The following CEP97 variants were observed in gnomAD, a reference collection of about 807,000 sequenced individuals.
The protein encoded by CEP97 is centrosomal protein 97.
Under a neutral mutation model 73.1 loss-of-function variants are expected in CEP97, and 43 were observed. That is an observed-to-expected ratio of 0.59 (90% confidence interval 0.46 to 0.76). The LOEUF is 0.76. CEP97 is among the 30% of genes least tolerant of loss of function. CEP97 has a pLI of 0.00. For missense variants in CEP97, 939 were observed against 1,014.0 expected, an observed-to-expected ratio of 0.93 and a Z score of 1.00; for synonymous variants, 337 against 370.0, an observed-to-expected ratio of 0.91 and a Z score of 1.02.
intron 6 of CEP97, among the ~76,000 whole-genome samples, chr3:101,738,742 A>G (rs1274768532): frequency 1.3e-5 from 2 of 152,216 alleles, no homozygotes; most frequent in Admixed American, 1.3e-4. Context: ...GGAAAGATCT[A>G]AAATTAACAC....
intron 6 of CEP97, among the ~76,000 whole-genome samples, chr3:101,751,365 G>A (rs920722340): frequency 9.9e-5 from 15 of 152,228 alleles, no homozygotes; most frequent in African/African-American, 3.6e-4. Context: ...GGTGTGGTGT[G>A]GTGCTGAAAA....
At chr3:101,735,137 T>C (rs1364640764) in intron 6 of CEP97, among the ~76,000 whole-genome samples, 1 of 152,224 alleles carries the variant, frequency 6.6e-6, no homozygotes, top group Non-Finnish European at 1.5e-5. Context: ...TTGAAGAGTT[T>C]GTTGAAACTA....
Position 101,731,903 on chromosome 3 carries a change from A to G in CEP97, c.511A>G (p.Ser171Gly), listed in dbSNP as rs1448470191. ...AATGGCACCTGCTTACCTACCCAGA[A>G]GTCTTGCTATACTTTCTTTGGCAGA... ...LRMAPAYLPRSLAILSLAENE... is the reference protein window; with the variant it reads ...LRMAPAYLPRGLAILSLAENE... The change falls in exon 5 of 11, where the codon AGT (serine) becomes GGT (glycine). Residue 171 changes from serine to glycine, a missense_variant. By Grantham distance (56) the Ser-to-Gly change is moderately conservative. Coordinates refer to ENST00000341893, the MANE Select transcript of CEP97 (RefSeq NM_024548.4). 1.2e-6 allele frequency: 2 copies of G among 1,611,998 alleles called. No individual in the cohort carries two copies. The highest frequency in any genetic ancestry group is 1.3e-5 in the African/African-American group (1 of 74,856).
chr3:101,760,798 C>T (rs1227319368), intron 9 of CEP97, among the ~76,000 whole-genome samples: 1 of 152,124 alleles, frequency 6.6e-6, no homozygotes, highest in African/African-American at 2.4e-5. Context: ...CCTCAGCCTC[C>T]TAAAGTTCTG....
At chr3:101,757,561 A>G in intron 8 of CEP97, 73 bp from the exon 9 acceptor site, 3 of 1,403,854 alleles carry the variant, frequency 2.1e-6, no homozygotes, top group Non-Finnish European at 2.9e-6. Context: ...TTCAAGGAAT[A>G]GATTTCATTA....
chr3:101,726,011 G>T (rs1384552114), intron 1 of CEP97, among the ~76,000 whole-genome samples: 5 of 152,060 alleles, frequency 3.3e-5, no homozygotes, highest in Non-Finnish European at 7.4e-5. Flanking sequence ...ATGGTTAATT[G>T]GTGGAGCCAG....
At position 101,768,858 on chromosome 3, in the gene CEP97, T is replaced by C. The variant is rs1195093143; in HGVS notation, c.*3307T>C. 2 of 152,220 alleles carry C rather than the reference T, an allele frequency of 1.3e-5. No homozygotes were observed. Among genetic ancestry groups the C allele is most frequent in the African/African-American group, 4.8e-5 (2 of 41,452 alleles). 9.4% of individuals were successfully genotyped at this position (152,220 alleles called of 1,614,324 possible). On this transcript the variant is annotated 3_prime_UTR_variant, in exon 11 of 11. Coordinates refer to ENST00000341893, the MANE Select transcript of CEP97 (RefSeq NM_024548.4). ...AACTCTCCTGGTGTGCAGAAAGCTG[T>C]AATCATGACAGTTGATAATATGCAA...
Position 101,757,658 on chromosome 3 carries a change from G to C in CEP97, c.1052G>C (p.Trp351Ser). Reference sequence around the variant, plus strand: ...GAACCCGTCATTCAAGTGAATTCTTGGGTTGGGATAAACAGTAATGATGAT... The same window carrying C: ...GAACCCGTCATTCAAGTGAATTCTTCGGTTGGGATAAACAGTAATGATGAT... The part of the protein sequence containing the change: ...ESEPVIQVNS[W>S]VGINSNDDQL... The change falls in exon 9 of 11, where the codon TGG becomes TCG. Residue 351 changes from tryptophan (W) to serine (S), a missense_variant. Trp to Ser is a radical substitution (Grantham distance 177). Coordinates refer to ENST00000341893, the MANE Select transcript of CEP97 (RefSeq NM_024548.4). The C allele has an allele frequency of 2.5e-6, 4 of 1,613,048 alleles. No individual in the cohort carries two copies. Among genetic ancestry groups the C allele is most frequent in the Non-Finnish European group, 3.4e-6 (4 of 1,179,156 alleles).
rs1937821008 is a variant in CEP97 at position 101,724,739 on chromosome 3, G to A, written c.43+20G>A. ...GAGAAGGTAAGGCGATCCCTACCCC[G>A]AGTCCTAAGGTTTACTTCACGGAGC... On this transcript the variant is annotated intron_variant, in intron 1 of 10. Transcript: ENST00000341893. 3 of 1,613,400 alleles carry A rather than the reference G, an allele frequency of 1.9e-6. No homozygotes were observed. Among genetic ancestry groups the A allele is most frequent in the Non-Finnish European group, 2.5e-6 (3 of 1,179,298 alleles).
intron 6 of CEP97, among the ~76,000 whole-genome samples, chr3:101,736,964 C>T (rs1337878232): frequency 6.6e-6 from 1 of 152,168 alleles, no homozygotes; most frequent in Non-Finnish European, 1.5e-5. Context: ...AGAGGAATTG[C>T]TAACTAGAAT....
intron 9 of CEP97, among the ~76,000 whole-genome samples, chr3:101,760,059 G>A (rs915853023): frequency 4.1e-5 from 6 of 146,560 alleles, no homozygotes; most frequent in Non-Finnish European, 9.0e-5. Flanking sequence ...GGAAGAGCAG[G>A]ATTGCAGTTC....
chr3:101,750,112 G>T (rs1202047051), intron 6 of CEP97, among the ~76,000 whole-genome samples: 10 of 140,946 alleles, frequency 7.1e-5, no homozygotes, highest in Non-Finnish European at 1.6e-4. Flanking sequence ...TTCTTCTAGG[G>T]TTTTTATGGT....
At chr3:101,750,749 G>A (rs1458643822) in intron 6 of CEP97, among the ~76,000 whole-genome samples, 17 of 152,060 alleles carry the variant, frequency 1.1e-4, no homozygotes, top group Admixed American at 2.6e-4. Flanking sequence ...CTGTAGGATC[G>A]GTGGTGATAT....
In CEP97 at chr3:101,758,091, GGAT is replaced by G. The variant is rs1939067908; in HGVS notation, c.1489_1491del (p.Asp497del). Reference sequence around the variant, plus strand: ...CAACAATAATCAGTGCTATCTTGAAGGATGATAACCACAGTCTTACATTTTTTC... The same window carrying G: ...CAACAATAATCAGTGCTATCTTGAAGGATAACCACAGTCTTACATTTTTTC... On this transcript the variant is annotated inframe_deletion, in exon 9 of 11. Coordinates refer to ENST00000341893, the MANE Select transcript of CEP97 (RefSeq NM_024548.4). 6.2e-7 allele frequency: 1 copy of G among 1,614,216 alleles called. No homozygotes were observed. The highest frequency in any genetic ancestry group is 8.5e-7 in the Non-Finnish European group (1 of 1,180,050).
chr3:101,748,960 T>TC (rs1358823665), intron 6 of CEP97, among the ~76,000 whole-genome samples: 11 of 152,138 alleles, frequency 7.2e-5, no homozygotes, highest in Admixed American at 1.3e-4. Flanking sequence ...ATACTTCTAA[T>TC]TATCTTTATT....
At position 101,732,782 on chromosome 3, in the gene CEP97, A is replaced by ACTAT. The variant is rs1262120188; in HGVS notation, c.728+129_728+132dup. On this transcript the variant is annotated intron_variant, in intron 6 of 10. Coordinates refer to ENST00000341893, the MANE Select transcript of CEP97 (RefSeq NM_024548.4). Reference sequence around the variant, plus strand: ...GAGTATTAGTGCAGTCATGTAGCAGACTATATGCTGGTCATTTAGGATTTT... The same window carrying ACTAT: ...GAGTATTAGTGCAGTCATGTAGCAGACTATCTATATGCTGGTCATTTAGGATTTT... 15 of 700,540 alleles carry ACTAT rather than the reference A, an allele frequency of 2.1e-5. No individual in the cohort carries two copies. In the African/African-American group the frequency reaches 2.7e-4, roughly 13 times the overall value. The allele number at this position is 700,540 out of a possible 1,614,324, so 43.4% of individuals were successfully genotyped here.
At chr3:101,733,773 A>T (rs1044861845) in intron 6 of CEP97, among the ~76,000 whole-genome samples, 1 of 151,642 alleles carries the variant, frequency 6.6e-6, no homozygotes, top group South Asian at 2.1e-4. Context: ...CTCGTGATCC[A>T]CCCGCCTCGG....
chr3:101,754,896 AT>A (rs370049971), intron 6 of CEP97, among the ~76,000 whole-genome samples: 2,577 of 138,934 alleles, frequency 0.019, 42 homozygotes, highest in African/African-American at 0.053. Context: ...TTCAGGTTTG[AT>A]TTTTTTTTTT....
intron 6 of CEP97, among the ~76,000 whole-genome samples, chr3:101,745,501 T>C (rs1938584535): frequency 6.6e-6 from 1 of 151,932 alleles, no homozygotes; most frequent in Non-Finnish European, 1.5e-5. Flanking sequence ...TCTGGGCTCA[T>C]TGGATCCTCC....
Sources: gnomAD v4.1 joint callset for allele counts (sites outside exome capture counted in the v4.1 genomes callset) on GRCh38, gnomAD v4.1.1 for gene constraint, MANE v1.5 for transcripts, NCBI Gene and HGNC (gene_info 2026-07-23, HGNC 2026-07-21) for gene names.